C12orf42: variants seen among roughly 807,000 people sequenced by gnomAD.
C12orf42 encodes the protein uncharacterized protein C12orf42.
In C12orf42, 25 loss-of-function variants were observed where a neutral mutation model predicts 21.6. That is an observed-to-expected ratio of 1.16 (90% CI 0.84 to 1.62). C12orf42 has a LOEUF of 1.62. Among genes scored for constraint, C12orf42 ranks in the 40% most tolerant of loss-of-function variants. C12orf42 has a pLI of 0.00. For synonymous variants in C12orf42, 174 were observed against 175.0 expected (o/e 0.99, Z 0.05); for missense variants, 483 against 459.3 (o/e 1.05, Z -0.47).
downstream of C12orf42, among the ~76,000 whole-genome samples, chr12:103,233,124 C>T (rs866885775): frequency 1.2e-4 from 19 of 152,236 alleles, no homozygotes; most frequent in African/African-American, 4.6e-4. Flanking sequence ...CATCAAAGAT[C>T]GATTGACTAT....
downstream of C12orf42, among the ~76,000 whole-genome samples, chr12:103,232,937 G>T (rs971112020): frequency 1.3e-5 from 2 of 152,060 alleles, no homozygotes; most frequent in South Asian, 2.1e-4. Flanking sequence ...TATTGGGGGG[G>T]TATATGTGAT....
chr12:103,411,621 C>A (rs1288688545), intron 2 of C12orf42, among the ~76,000 whole-genome samples: 1 of 152,070 alleles, frequency 6.6e-6, no homozygotes, highest in African/African-American at 2.4e-5. Context: ...GAAAAAGAAG[C>A]CAGGGGAGCT....
At chr12:103,089,101 CAAAAAAAA>C in the C12orf42 span, among the ~76,000 whole-genome samples, 4 of 54,846 alleles carry the variant, frequency 7.3e-5, no homozygotes, top group African/African-American at 3.1e-4. Context: ...GACTCCATCT[CAAAAAAAA>C]AAAAAAAAAA....
the C12orf42 span, among the ~76,000 whole-genome samples, chr12:103,169,443 T>C: frequency 6.6e-6 from 1 of 151,858 alleles, no homozygotes; most frequent in Non-Finnish European, 1.5e-5. Context: ...AATCAGAACA[T>C]CTCTAGGAGG....
At chr12:103,420,587 T>C (rs1299234088) in intron 2 of C12orf42, among the ~76,000 whole-genome samples, 1 of 152,066 alleles carries the variant, frequency 6.6e-6, no homozygotes, top group Non-Finnish European at 1.5e-5. Context: ...TGGAGTGCAA[T>C]GTCACGATCT....
intron 4 of C12orf42, among the ~76,000 whole-genome samples, chr12:103,342,700 C>T (rs900338258): frequency 2.1e-4 from 27 of 129,940 alleles, no homozygotes; most frequent in African/African-American, 7.0e-4. Flanking sequence ...AACAAGCCCA[C>T]TCTTAAGCAA....
At chr12:103,150,393 T>C in the C12orf42 span, among the ~76,000 whole-genome samples, 2 of 152,226 alleles carry the variant, frequency 1.3e-5, no homozygotes, top group Non-Finnish European at 2.9e-5. Context: ...GTGTTAAGAA[T>C]ACATATTCTA....
the C12orf42 span, among the ~76,000 whole-genome samples, chr12:103,134,491 A>AG: frequency 2.8e-4 from 42 of 152,164 alleles, no homozygotes; most frequent in Admixed American, 2.2e-3. Context: ...AAAATCTTCA[A>AG]CAATAGTGTA....
At chr12:103,303,763 T>A (rs904029801) in intron 5 of C12orf42, among the ~76,000 whole-genome samples, 5 of 152,208 alleles carry the variant, frequency 3.3e-5, no homozygotes, top group African/African-American at 9.7e-5. Flanking sequence ...AATTCTCCAA[T>A]GCAGGAATCA....
chr12:103,356,288 CACAA>C (rs1400259730), intron 4 of C12orf42, among the ~76,000 whole-genome samples: 2 of 152,072 alleles, frequency 1.3e-5, no homozygotes, highest in African/African-American at 4.8e-5. Flanking sequence ...AATTCTAAGT[CACAA>C]ACAAACAGGA....
At chr12:103,539,975 CAT>C in the C12orf42 span, among the ~76,000 whole-genome samples, 1 of 149,540 alleles carries the variant, frequency 6.7e-6, no homozygotes, top group African/African-American at 2.4e-5. Context: ...CTTTATTGAA[CAT>C]GAGGCCATGA....
the C12orf42 span, among the ~76,000 whole-genome samples, chr12:103,192,748 A>G: frequency 7.0e-4 from 107 of 152,348 alleles, no homozygotes; most frequent in African/African-American, 2.4e-3. Context: ...ACGGAAAGCG[A>G]AGATTGATAT....
the C12orf42 span, among the ~76,000 whole-genome samples, chr12:103,119,009 G>T: frequency 1.6e-4 from 24 of 151,994 alleles, no homozygotes; most frequent in African/African-American, 5.8e-4. Flanking sequence ...GTAATTATTA[G>T]TTCTCCTTTC....
the C12orf42 span, chr12:103,547,670 G>A: frequency 9.2e-5 from 14 of 151,644 alleles, no homozygotes; most frequent in South Asian, 2.1e-4. Flanking sequence ...CCTTAAGCAC[G>A]AAGTTCTTCC....
the C12orf42 span, among the ~76,000 whole-genome samples, chr12:103,517,013 C>A: frequency 1.3e-5 from 2 of 152,182 alleles, no homozygotes; most frequent in Non-Finnish European, 2.9e-5. Context: ...ATGAATCAAA[C>A]AAGGCTGCTT....
At chr12:103,244,282 C>T (rs2033905100) in intron 10 of C12orf42, among the ~76,000 whole-genome samples, 1 of 151,966 alleles carries the variant, frequency 6.6e-6, no homozygotes, top group Admixed American at 6.6e-5. Context: ...TTGGCAGATA[C>T]CCTCTAAAAA....
At chr12:103,144,368 T>C in the C12orf42 span, among the ~76,000 whole-genome samples, 2 of 152,208 alleles carry the variant, frequency 1.3e-5, no homozygotes, top group Admixed American at 1.3e-4. Flanking sequence ...ATACAAAGCC[T>C]CTTTATCGCT....
chr12:103,203,897 G>A, the C12orf42 span, among the ~76,000 whole-genome samples: 1 of 152,170 alleles, frequency 6.6e-6, no homozygotes, highest in Non-Finnish European at 1.5e-5. Flanking sequence ...AAGATGTAAA[G>A]GAGAAGAGCA....
chr12:103,055,502 G>T, the C12orf42 span, among the ~76,000 whole-genome samples: 4 of 151,852 alleles, frequency 2.6e-5, no homozygotes, highest in Non-Finnish European at 5.9e-5. Context: ...CAAAGAACCA[G>T]CTCTTTGTTT....
Sources: allele counts gnomAD v4.1 joint callset (sites outside exome capture counted in the v4.1 genomes callset), GRCh38; gene constraint gnomAD v4.1.1; transcripts MANE v1.5; gene names NCBI Gene and HGNC (gene_info 2026-07-23, HGNC 2026-07-21).